THBS4: variants seen among roughly 807,000 people sequenced by gnomAD.
THBS4 encodes the protein thrombospondin-4.
In THBS4, 90 loss-of-function variants were observed where a neutral mutation model predicts 115.7. The ratio of observed to expected loss-of-function variants is 0.78; its 90% CI spans 0.66 to 0.93. The LOEUF is 0.93. Among genes scored for constraint, THBS4 ranks in the 40% least tolerant of loss-of-function variants. The pLI, the probability that THBS4 is intolerant of heterozygous loss-of-function variation, is 0.00. For synonymous variants in THBS4, 460 were observed against 479.3 expected (o/e 0.96, Z 0.53); for missense variants, 1,087 against 1,232.7 (o/e 0.88, Z 1.77).
intron 2 of THBS4, among the ~76,000 whole-genome samples, chr5:80,046,582 T>C (rs1488820303): frequency 6.6e-6 from 1 of 152,110 alleles, no homozygotes; most frequent in Non-Finnish European, 1.5e-5. Flanking sequence ...GTGGATTTAC[T>C]AAGAATAAAT....
Position 80,078,139 on chromosome 5 carries a change from C to T in THBS4, c.2177C>T (p.Thr726Ile). 1 of 1,612,674 alleles carries T rather than the reference C, an allele frequency of 6.2e-7. No individual in the cohort carries two copies. The highest frequency in any genetic ancestry group is 8.5e-7 in the Non-Finnish European group (1 of 1,179,182). ...GTCTGCCCAGAGAACGCAGAGGTCA[C>T]CCTGACCGACTTCAGGGCTTACCAG... ...IDVCPENAEV[T>I]LTDFRAYQTV... Residue 726 changes from threonine to isoleucine, a missense_variant, in exon 17 of 22, where the codon ACC (threonine) becomes ATC (isoleucine). Thr to Ile is a moderately conservative substitution (Grantham distance 89). Transcript: ENST00000350881.
At chr5:80,050,559 A>T (rs546711100) in intron 2 of THBS4, among the ~76,000 whole-genome samples, 1 of 152,154 alleles carries the variant, frequency 6.6e-6, no homozygotes, top group African/African-American at 2.4e-5. Context: ...TGTTCCCCCA[A>T]TTTGGAGGTA....
intron 2 of THBS4, among the ~76,000 whole-genome samples, chr5:80,055,076 C>T (rs1448324081): frequency 2.0e-5 from 3 of 151,934 alleles, no homozygotes; most frequent in African/African-American, 7.3e-5. Flanking sequence ...AATCCCAGCA[C>T]TTTGGGAGGC....
chr5:79,992,581 A>ACC (rs1831705521), intron 1 of THBS4, among the ~76,000 whole-genome samples: 1 of 152,260 alleles, frequency 6.6e-6, no homozygotes, highest in Non-Finnish European at 1.5e-5. Flanking sequence ...ATAATTGGAA[A>ACC]ATGCATAACA....
chr5:80,073,256 T>A lies in THBS4; in HGVS notation c.1840-19T>A, dbSNP rs374204724. On this transcript the variant is annotated intron_variant, in intron 14 of 21. Coordinates refer to ENST00000350881, the MANE Select transcript of THBS4 (RefSeq NM_003248.6). ...CATGCAGGCCCAGGAATAAATAACA[T>A]GTGCTGTTCTCTTTGCAGTCTGATG... 6.2e-7 allele frequency: 1 copy of A among 1,613,526 alleles called. No individual in the cohort carries two copies. Among genetic ancestry groups the A allele is most frequent in the Non-Finnish European group, 8.5e-7 (1 of 1,179,584 alleles).
At position 80,043,267 on chromosome 5, in the gene THBS4, A is replaced by T. The variant is rs183292855; in HGVS notation, c.292+2987A>T. On this transcript the variant is annotated intron_variant, in intron 2 of 21. Transcript: ENST00000350881. ...GGTGAATATAAAAGTTTCAGGAAAG[A>T]GAAGTCCATTCTGACTGGAACAATA... is the stretch of plus-strand genomic sequence containing the variant. 1.8e-4 allele frequency among the ~76,000 whole-genome samples: 28 copies of T among 152,338 alleles called. No homozygotes were observed. The East Asian group carries it at 3.5e-3, about 19-fold the overall frequency.
At chr5:80,083,005 T>C in intron 21 of THBS4, 75 bp from the exon 22 acceptor site, 1 of 1,401,258 alleles carries the variant, frequency 7.1e-7, no homozygotes, top group South Asian at 1.2e-5. Flanking sequence ...ACAGGACGCC[T>C]GAGCCGCGGG....
intron 1 of THBS4, 70 bp from the exon 2 acceptor site, chr5:80,040,007 A>G: frequency 7.1e-7 from 1 of 1,412,236 alleles, no homozygotes; most frequent in African/African-American, 1.4e-5. Context: ...CACCCCCCCC[A>G]AACAAAGAAA....
intron 2 of THBS4, among the ~76,000 whole-genome samples, chr5:80,000,200 C>T (rs1363420129): frequency 1.3e-5 from 2 of 152,176 alleles, no homozygotes; most frequent in African/African-American, 2.4e-5. Context: ...CTCATTTTTA[C>T]TTCAAATGCA....
intron 2 of THBS4, among the ~76,000 whole-genome samples, chr5:80,027,589 C>T (rs1011208742): frequency 3.9e-5 from 6 of 152,090 alleles, no homozygotes; most frequent in Non-Finnish European, 7.4e-5. Flanking sequence ...ATGAAAAACC[C>T]GTTACAAAAA....
intron 2 of THBS4, among the ~76,000 whole-genome samples, chr5:80,050,356 G>A (rs1053001494): frequency 3.9e-5 from 6 of 152,168 alleles, no homozygotes; most frequent in African/African-American, 1.4e-4. Flanking sequence ...TTGGGAAGTG[G>A]GGAGTGCTGA....
intron 1 of THBS4, among the ~76,000 whole-genome samples, chr5:79,997,309 A>G (rs1447871307): frequency 2.0e-5 from 3 of 152,174 alleles, no homozygotes; most frequent in South Asian, 2.1e-4. Context: ...CAAACATGAC[A>G]TTGGTAGATG....
chr5:80,065,631 T>C (rs1833792490), intron 9 of THBS4, among the ~76,000 whole-genome samples, 154 bp downstream of exon 9: 1 of 152,246 alleles, frequency 6.6e-6, no homozygotes, highest in African/African-American at 2.4e-5. Context: ...TGAAAAAGTG[T>C]TTAATATGAG....
upstream of THBS4, among the ~76,000 whole-genome samples, chr5:80,031,823 T>A (rs1832592134): frequency 6.6e-6 from 1 of 152,178 alleles, no homozygotes; most frequent in Non-Finnish European, 1.5e-5. Context: ...ATAAAAGATG[T>A]GTACACAGAA....
Position 80,073,276 on chromosome 5 carries a change from C to T in THBS4, c.1841C>T (p.Ser614Phe), listed in dbSNP as rs750486527. The change falls in exon 15 of 22, where the codon TCT becomes TTT. Residue 614 changes from serine to phenylalanine, a missense_variant and splice_region_variant. Physicochemically the swap from Ser to Phe is radical, Grantham distance 155. Coordinates refer to ENST00000350881, the MANE Select transcript of THBS4 (RefSeq NM_003248.6). ...SCPDVSNPNQ[S>F]DVDNDLVGDS... ...TAACATGTGCTGTTCTCTTTGCAGT[C>T]TGATGTGGATAATGATCTGGTTGGG... 1 of 1,614,004 alleles carries T rather than the reference C, an allele frequency of 6.2e-7. No homozygotes were observed. Among genetic ancestry groups the T allele is most frequent in the Non-Finnish European group, 8.5e-7 (1 of 1,179,970 alleles).
intron 2 of THBS4, among the ~76,000 whole-genome samples, chr5:80,012,335 T>C (rs1178626096): frequency 6.6e-6 from 1 of 152,118 alleles, no homozygotes; most frequent in Non-Finnish European, 1.5e-5. Flanking sequence ...GGAAACTTGG[T>C]AATAAAACTC....
chr5:80,053,159 T>A (rs986033297), intron 2 of THBS4: 1 of 152,146 alleles, frequency 6.6e-6, no homozygotes, highest in Non-Finnish European at 1.5e-5. Flanking sequence ...TATGTACATA[T>A]ATATACACAT....
intron 1 of THBS4, among the ~76,000 whole-genome samples, chr5:79,995,787 C>A (rs1457016550): frequency 2.0e-5 from 2 of 98,166 alleles, no homozygotes; most frequent in East Asian, 2.8e-4. Flanking sequence ...TTCCCTATTA[C>A]ATTAGAAAAA....
chr5:80,064,848 A>G (rs1447772175), intron 8 of THBS4, among the ~76,000 whole-genome samples: 1 of 152,208 alleles, frequency 6.6e-6, no homozygotes, highest in Non-Finnish European at 1.5e-5. Flanking sequence ...GGCAAAACAG[A>G]TTAGACACAG....
Sources: allele counts gnomAD v4.1 joint callset (sites outside exome capture counted in the v4.1 genomes callset), GRCh38; gene constraint gnomAD v4.1.1; transcripts MANE v1.5; gene names NCBI Gene and HGNC (gene_info 2026-07-23, HGNC 2026-07-21).